The following ROBO1 variants were observed in gnomAD, a reference collection of about 807,000 sequenced individuals.
ROBO1 encodes roundabout guidance receptor 1.
In ROBO1, 149 loss-of-function variants were observed where a neutral mutation model predicts 195.9. The ratio of observed to expected loss-of-function variants is 0.76; its 90% confidence interval spans 0.67 to 0.87. The LOEUF (loss-of-function observed/expected upper bound fraction) is 0.87. Among genes scored for constraint, ROBO1 ranks in the 40% least tolerant of loss-of-function variants. ROBO1 has a pLI of 0.00. For synonymous variants in ROBO1, 816 were observed against 733.2 expected, an observed-to-expected ratio of 1.11 and a Z score of -1.82; for missense variants, 1,933 against 2,068.3, an observed-to-expected ratio of 0.93 and a Z score of 1.27.
intron 2 of ROBO1, among the ~76,000 whole-genome samples, chr3:79,279,455 A>G (rs772407542): frequency 1.9e-4 from 29 of 152,182 alleles, no homozygotes; most frequent in Non-Finnish European, 4.0e-4. Flanking sequence ...TAAAAAAAAG[A>G]TTTTAAAAAT....
intron 8 of ROBO1, among the ~76,000 whole-genome samples, chr3:78,697,332 CAT>C (rs1291798318): frequency 1.1e-4 from 16 of 151,960 alleles, no homozygotes; most frequent in African/African-American, 2.2e-4. Context: ...ATTCAGGAGA[CAT>C]GTGTATGAGT....
At chr3:78,680,640 C>T (rs1261526668) in intron 10 of ROBO1, among the ~76,000 whole-genome samples, 1 of 150,324 alleles carries the variant, frequency 6.7e-6, no homozygotes. Flanking sequence ...GAGATACCAT[C>T]TCACACCAGT....
chr3:78,617,379 T>G lies in ROBO1; in HGVS notation c.4282+256A>C, dbSNP rs920886919. ...TGGCTATCCTAAAAAATGAGGTAGC[T>G]CCCTATCACTCATATTATGTAAGAT... On this transcript the variant is annotated intron_variant, in intron 27 of 30. Coordinates refer to ENST00000464233, the MANE Select transcript of ROBO1 (RefSeq NM_002941.4). 6.0e-4 allele frequency among the ~76,000 whole-genome samples: 92 copies of G among 152,130 alleles called. 1 individual carries two copies. Among genetic ancestry groups the G allele is most frequent in the African/African-American group, 2.1e-3 (87 of 41,520 alleles).
At chr3:78,886,119 T>G (rs533947399) in intron 4 of ROBO1, among the ~76,000 whole-genome samples, 2 of 151,856 alleles carry the variant, frequency 1.3e-5, no homozygotes, top group Non-Finnish European at 2.9e-5. Flanking sequence ...TAACCAGTTA[T>G]GCTTTTCCTA....
Position 78,636,109 on chromosome 3 carries a change from C to A in ROBO1, c.3038-1G>T. The A allele has an allele frequency of 6.2e-7, 1 of 1,601,176 alleles. No individual in the cohort carries two copies. Among genetic ancestry groups the A allele is most frequent in the South Asian group, 1.1e-5 (1 of 90,330 alleles). On this transcript the variant is annotated splice_acceptor_variant, in intron 22 of 30. Transcript: ENST00000464233. LOFTEE classifies it high-confidence loss of function. ...TTGTTATAATTTGCTATACAATCAG[C>A]TATGTGCAATGGAGAGGAAAAGGAA...
intron 4 of ROBO1, among the ~76,000 whole-genome samples, chr3:78,810,149 G>A (rs1438533651): frequency 6.6e-6 from 1 of 152,180 alleles, no homozygotes; most frequent in African/African-American, 2.4e-5. Flanking sequence ...TAAGAGTTCA[G>A]TGTAAAGAAA....
intron 4 of ROBO1, among the ~76,000 whole-genome samples, chr3:78,937,460 G>A (rs1176860963): frequency 6.6e-6 from 1 of 151,862 alleles, no homozygotes; most frequent in African/African-American, 2.4e-5. Context: ...TATATAAAGT[G>A]AATTTTATCT....
At chr3:78,876,072 G>T (rs375376009) in intron 4 of ROBO1, among the ~76,000 whole-genome samples, 2 of 151,920 alleles carry the variant, frequency 1.3e-5, no homozygotes, top group East Asian at 1.9e-4. Flanking sequence ...AACACAAAGT[G>T]CCAGGAATAG....
At chr3:78,852,879 G>A (rs1198533644) in intron 4 of ROBO1, among the ~76,000 whole-genome samples, 1 of 152,162 alleles carries the variant, frequency 6.6e-6, no homozygotes, top group Non-Finnish European at 1.5e-5. Context: ...GTGATGTATT[G>A]TGAGCTATTT....
intron 8 of ROBO1, among the ~76,000 whole-genome samples, chr3:78,690,134 C>T (rs2081139485): frequency 1.2e-5 from 1 of 80,444 alleles, no homozygotes; most frequent in African/African-American, 4.5e-5. Flanking sequence ...ACTTAATATG[C>T]ATATTAAAAA....
intron 14 of ROBO1, among the ~76,000 whole-genome samples, chr3:78,667,108 T>C (rs1251580767): frequency 6.6e-6 from 1 of 152,114 alleles, no homozygotes; most frequent in Non-Finnish European, 1.5e-5. Flanking sequence ...TTGATTAGGG[T>C]TGTAATCTAA....
chr3:79,403,321 T>C (rs2106797381), intron 2 of ROBO1, among the ~76,000 whole-genome samples: 2 of 152,112 alleles, frequency 1.3e-5, no homozygotes, highest in South Asian at 2.1e-4. Context: ...TGTAAAATCT[T>C]AATGGAGAAA....
At chr3:78,965,483 G>A (rs528448049) in intron 3 of ROBO1, among the ~76,000 whole-genome samples, 2 of 152,176 alleles carry the variant, frequency 1.3e-5, no homozygotes, top group South Asian at 4.1e-4. Context: ...TGAGCAGAGT[G>A]AGAAATGTTC....
intron 1 of ROBO1, among the ~76,000 whole-genome samples, chr3:79,601,361 C>T (rs752542103): frequency 2.0e-5 from 3 of 151,926 alleles, no homozygotes; most frequent in Admixed American, 6.6e-5. Flanking sequence ...TAAATAGCTT[C>T]GTGTGCAAAA....
intron 2 of ROBO1, among the ~76,000 whole-genome samples, chr3:79,249,387 A>G (rs1177477579): frequency 6.6e-6 from 1 of 152,112 alleles, no homozygotes. Context: ...AAACTCTCTC[A>G]ATTTAGGCAA....
At chr3:79,423,146 T>G (rs2038300586) in intron 2 of ROBO1, among the ~76,000 whole-genome samples, 2 of 152,112 alleles carry the variant, frequency 1.3e-5, no homozygotes, top group Non-Finnish European at 2.9e-5. Flanking sequence ...GATTCAATTA[T>G]GTAACAAACC....
At chr3:78,865,984 C>T (rs1187407260) in intron 4 of ROBO1, among the ~76,000 whole-genome samples, 1 of 152,144 alleles carries the variant, frequency 6.6e-6, no homozygotes, top group Non-Finnish European at 1.5e-5. Flanking sequence ...CTCCTAATAT[C>T]TGTATCAATA....
At chr3:78,716,279 A>G (rs2081900296) in intron 7 of ROBO1, among the ~76,000 whole-genome samples, 1 of 152,204 alleles carries the variant, frequency 6.6e-6, no homozygotes, top group South Asian at 2.1e-4. Context: ...TGGGTAATTT[A>G]TAAAGGAAAG....
At position 79,589,908 on chromosome 3, in the gene ROBO1, T is replaced by C. The variant is rs528402614; in HGVS notation, c.4A>G (p.Lys2Glu). Residue 2 changes from lysine (K) to glutamate (E), a missense_variant, in exon 2 of 31, where the codon AAA (lysine) becomes GAA (glutamate). Around this residue, in one of 3 missense-constraint regions of ROBO1, gnomAD observed 185 missense variants for 159.5 expected, o/e 1.16. Transcript: ENST00000464233. M[K>E]WKHVPFLVMI... ...ACCAAAAAAGGAACATGTTTCCATT[T>C]CATCTTTGTCCCTTCCTTGCATTAC... 13 of 1,609,534 alleles carry C rather than the reference T, an allele frequency of 8.1e-6. No individual in the cohort carries two copies. In the South Asian group the frequency reaches 1.4e-4, roughly 18 times the overall value.
Sources: gnomAD v4.1 joint callset for allele counts (sites outside exome capture counted in the v4.1 genomes callset) on GRCh38, gnomAD v4.1.1 for gene constraint, gnomAD v4.1.1 regional missense constraint, MANE v1.5 for transcripts, NCBI Gene and HGNC (gene_info 2026-07-23, HGNC 2026-07-21) for gene names.